Variants in MRPS6 observed in about 807,000 individuals in gnomAD.
MRPS6 encodes the protein mitochondrial ribosomal protein S6.
A neutral mutation model predicts 13.1 loss-of-function variants in MRPS6; 6 were observed. The ratio of observed to expected loss-of-function variants is 0.46; its 90% CI spans 0.25 to 0.91. MRPS6 has a LOEUF of 0.91. Ranked by LOEUF, MRPS6 falls within the 40% of genes least tolerant of loss-of-function variation. The pLI is 0.18. For missense variants in MRPS6, 164 were observed against 155.6 expected, an observed-to-expected ratio of 1.05 and a Z score of -0.29; for synonymous variants, 61 against 56.5, an observed-to-expected ratio of 1.08 and a Z score of -0.36.
At chr21:34,119,567 T>C (rs1211092712) in intron 1 of MRPS6, among the ~76,000 whole-genome samples, 1 of 152,186 alleles carries the variant, frequency 6.6e-6, no homozygotes, top group South Asian at 2.1e-4. Flanking sequence ...GTTGTATAAC[T>C]CTTTGTAACG....
At chr21:34,125,662 G>A (rs950705638) in intron 2 of MRPS6, among the ~76,000 whole-genome samples, 182 bp downstream of exon 2, 5 of 152,092 alleles carry the variant, frequency 3.3e-5, no homozygotes, top group Non-Finnish European at 7.4e-5. Context: ...GGCCCTTCGT[G>A]GACTATGATC....
intron 1 of MRPS6, chr21:34,101,491 A>G (rs1202551556): frequency 1.0e-6 from 1 of 1,000,012 alleles, no homozygotes; most frequent in Admixed American, 6.2e-5. Context: ...GCCTGAGCAG[A>G]CTTCTTTACA....
intron 1 of MRPS6, among the ~76,000 whole-genome samples, chr21:34,080,608 A>G (rs1054626780): frequency 3.3e-5 from 5 of 152,346 alleles, no homozygotes; most frequent in Non-Finnish European, 5.9e-5. Context: ...ATAATAGACT[A>G]ATCTTTCCTT....
intron 2 of MRPS6, among the ~76,000 whole-genome samples, chr21:34,128,633 G>A (rs1980391210): frequency 6.6e-6 from 1 of 152,190 alleles, no homozygotes; most frequent in African/African-American, 2.4e-5. Context: ...AAATTTGCCT[G>A]TAAGTCTGTT....
At chr21:34,098,487 T>A (rs984548178) in intron 1 of MRPS6, 1 of 1,000,170 alleles carries the variant, frequency 1.0e-6, no homozygotes. Context: ...CAAAAGACTT[T>A]CCATCTGTAC....
intron 2 of MRPS6, among the ~76,000 whole-genome samples, chr21:34,139,550 G>A (rs1421908107): frequency 6.6e-6 from 1 of 152,084 alleles, no homozygotes; most frequent in Non-Finnish European, 1.5e-5. Flanking sequence ...GTTTTTCAAG[G>A]AATTTGATCA....
intron 2 of MRPS6, among the ~76,000 whole-genome samples, chr21:34,132,738 A>G (rs761370110): frequency 3.3e-5 from 5 of 152,138 alleles, no homozygotes; most frequent in African/African-American, 9.7e-5. Flanking sequence ...CAGTTTGCTC[A>G]TGTGAAAGGT....
chr21:34,134,353 T>C (rs1980611096), intron 2 of MRPS6, among the ~76,000 whole-genome samples: 1 of 152,186 alleles, frequency 6.6e-6, no homozygotes, highest in Admixed American at 6.5e-5. Flanking sequence ...AGTGGATTCG[T>C]TTGTACCGTT....
At chr21:34,100,248 A>G (rs985787971) in intron 1 of MRPS6, 7 of 1,000,028 alleles carry the variant, frequency 7.0e-6, no homozygotes, top group African/African-American at 3.5e-5. Flanking sequence ...CTTCTCAGGC[A>G]ATTTTCATCT....
intron 1 of MRPS6, chr21:34,124,661 C>G (rs544770409): frequency 6.6e-6 from 1 of 152,262 alleles, no homozygotes; most frequent in African/African-American, 2.4e-5. Context: ...TTTCCGGGTG[C>G]CTTTCAAGTA....
intron 1 of MRPS6, chr21:34,100,492 T>G: frequency 1.0e-6 from 1 of 1,000,252 alleles, no homozygotes; most frequent in Non-Finnish European, 1.2e-6. Context: ...TCCTTCGGCC[T>G]AAATTCAATA....
chr21:34,103,928 T>A, intron 1 of MRPS6: 5 of 1,000,188 alleles, frequency 5.0e-6, no homozygotes, highest in Non-Finnish European at 6.0e-6. Context: ...TTTTGGTGGG[T>A]GGAACAGGTG....
At chr21:34,116,109 A>G (rs1050412899) in intron 1 of MRPS6, among the ~76,000 whole-genome samples, 47 of 151,628 alleles carry the variant, frequency 3.1e-4, no homozygotes, top group African/African-American at 1.1e-3. Flanking sequence ...CCTAGCCTCA[A>G]GCAATCCTCC....
Position 34,125,497 on chromosome 21 carries a change from A to C in MRPS6, c.185+17A>C. ...CAGAGGCGGGTAAGTTTCTTCATGAAGTCTTGAAAGACGTTTTTGATAGGC... is the reference window on the plus strand; with the variant it reads ...CAGAGGCGGGTAAGTTTCTTCATGACGTCTTGAAAGACGTTTTTGATAGGC... On this transcript the variant is annotated intron_variant, in intron 2 of 2. Coordinates refer to ENST00000399312, the MANE Select transcript of MRPS6 (RefSeq NM_032476.4). 1.2e-6 allele frequency: 2 copies of C among 1,611,818 alleles called. No homozygotes were observed. The highest frequency in any genetic ancestry group is 1.7e-6 in the Non-Finnish European group (2 of 1,179,226).
At chr21:34,118,006 G>A (rs1979986257) in intron 1 of MRPS6, among the ~76,000 whole-genome samples, 1 of 152,000 alleles carries the variant, frequency 6.6e-6, no homozygotes, top group South Asian at 2.1e-4. Context: ...ATGACCACTT[G>A]AAAAGCCTGA....
At chr21:34,135,807 G>A in intron 2 of MRPS6, 1 of 531,184 alleles carries the variant, frequency 1.9e-6, no homozygotes, top group South Asian at 1.8e-5. Flanking sequence ...TGCTGTTGTT[G>A]TGGCCATGCA....
At chr21:34,101,952 T>C (rs916090940) in intron 1 of MRPS6, 1 of 1,000,076 alleles carries the variant, frequency 1.0e-6, no homozygotes, top group African/African-American at 1.7e-5. Context: ...AATGGAGTTT[T>C]GATGCCAAAA....
intron 1 of MRPS6, among the ~76,000 whole-genome samples, chr21:34,087,039 G>A (rs1053025299): frequency 6.6e-6 from 1 of 152,336 alleles, no homozygotes; most frequent in East Asian, 1.9e-4. Flanking sequence ...AACACGTTCC[G>A]CAGTGGAGTT....
intron 1 of MRPS6, among the ~76,000 whole-genome samples, chr21:34,113,895 G>C (rs999576384): frequency 6.6e-6 from 1 of 152,136 alleles, no homozygotes; most frequent in Non-Finnish European, 1.5e-5. Context: ...TGTCACTCCA[G>C]TGCTGTCTCC....
Sources: gnomAD v4.1 joint callset for allele counts (sites outside exome capture counted in the v4.1 genomes callset) on GRCh38, gnomAD v4.1.1 for gene constraint, MANE v1.5 for transcripts, NCBI Gene and HGNC (gene_info 2026-07-23, HGNC 2026-07-21) for gene names.